The following LRRC7 variants were observed in gnomAD, a reference collection of about 807,000 sequenced individuals.
The protein encoded by LRRC7 is leucine-rich repeat-containing protein 7.
In LRRC7, 23 loss-of-function variants were observed where a neutral mutation model predicts 175.7. The observed-to-expected ratio is 0.13, with a 90% CI of 0.09 to 0.19. The LOEUF is 0.19. LRRC7 is among the 10% of genes least tolerant of loss of function. The pLI, the probability that LRRC7 is intolerant of heterozygous loss-of-function variation, is 1.00. For synonymous variants in LRRC7, 685 were observed against 680.9 expected, an observed-to-expected ratio of 1.01 and a Z score of -0.09; for missense variants, 1,354 against 1,904.7, an observed-to-expected ratio of 0.71 and a Z score of 5.38.
chr1:69,967,132 C>A (rs1241010104), intron 8 of LRRC7, among the ~76,000 whole-genome samples: 1 of 152,112 alleles, frequency 6.6e-6, no homozygotes, highest in Non-Finnish European at 1.5e-5. Context: ...GTGAGACCAG[C>A]CGTTTGAATT....
chr1:69,988,505 C>T (rs1198305595), intron 10 of LRRC7, among the ~76,000 whole-genome samples: 4 of 152,154 alleles, frequency 2.6e-5, no homozygotes, highest in Admixed American at 6.6e-5. Flanking sequence ...GCAATATCTC[C>T]AGGCCTGATG....
At chr1:69,720,022 A>G (rs1237997058) in intron 2 of LRRC7, among the ~76,000 whole-genome samples, 1 of 151,492 alleles carries the variant, frequency 6.6e-6, no homozygotes. Flanking sequence ...ATCTCTTGTA[A>G]GCATCTTATA....
intron 7 of LRRC7, among the ~76,000 whole-genome samples, chr1:69,911,562 A>T (rs971048498): frequency 6.6e-5 from 10 of 152,188 alleles, no homozygotes; most frequent in African/African-American, 1.9e-4. Context: ...CTCTTAAATC[A>T]TGGAGGGAAA....
At chr1:70,036,337 A>G in intron 19 of LRRC7, 105 bp downstream of exon 19, 2 of 1,396,450 alleles carry the variant, frequency 1.4e-6, no homozygotes, top group Non-Finnish European at 2.0e-6. Context: ...ATGTTTTACA[A>G]ATATGCATTT....
intron 24 of LRRC7, among the ~76,000 whole-genome samples, chr1:70,084,795 C>A (rs1571280179): frequency 6.6e-6 from 1 of 152,264 alleles, no homozygotes; most frequent in East Asian, 1.9e-4. Context: ...TCCACTTTTT[C>A]CACATCCTTA....
chr1:69,811,667 G>A (rs1328557958), intron 4 of LRRC7, among the ~76,000 whole-genome samples: 2 of 151,982 alleles, frequency 1.3e-5, no homozygotes, highest in African/African-American at 2.4e-5. Context: ...AACTAACACT[G>A]GAACAGAAAA....
intron 3 of LRRC7, among the ~76,000 whole-genome samples, chr1:69,768,717 G>C (rs183440989): frequency 1.3e-5 from 2 of 152,128 alleles, no homozygotes; most frequent in East Asian, 3.9e-4. Context: ...TAACTCTCTC[G>C]TAGCAGTTTT....
chr1:69,655,637 G>T (rs1656501295), intron 1 of LRRC7, among the ~76,000 whole-genome samples: 2 of 151,958 alleles, frequency 1.3e-5, no homozygotes, highest in Non-Finnish European at 2.9e-5. Flanking sequence ...TAACATTTAT[G>T]TACAAAATTG....
intron 24 of LRRC7, among the ~76,000 whole-genome samples, chr1:70,088,958 GTTGGGGAGGTAATATAACAGAACA>G (rs1489086813): frequency 1.3e-5 from 2 of 152,168 alleles, no homozygotes; most frequent in Non-Finnish European, 2.9e-5. Flanking sequence ...GATTTGGGAT[GTTGGGGAGGTAATATAACAGAACA>G]TTAGAATGTT....
intron 7 of LRRC7, among the ~76,000 whole-genome samples, chr1:69,916,354 A>G (rs1046194816): frequency 1.4e-5 from 2 of 145,304 alleles, no homozygotes; most frequent in African/African-American, 5.1e-5. Flanking sequence ...AGAGAAGTAA[A>G]AACTACCTAA....
At chr1:69,757,276 G>C (rs936263384) in intron 2 of LRRC7, among the ~76,000 whole-genome samples, 3 of 151,976 alleles carry the variant, frequency 2.0e-5, no homozygotes, top group African/African-American at 7.2e-5. Flanking sequence ...CTTCCAACCA[G>C]AAATTGGCTA....
chr1:69,970,634 T>C (rs1480714793), intron 8 of LRRC7, among the ~76,000 whole-genome samples: 1 of 152,098 alleles, frequency 6.6e-6, no homozygotes, highest in Non-Finnish European at 1.5e-5. Flanking sequence ...GAAATGTTAA[T>C]GAAAGAATTA....
chr1:70,003,169 A>G (rs894939770), intron 11 of LRRC7, among the ~76,000 whole-genome samples: 10 of 152,066 alleles, frequency 6.6e-5, no homozygotes, highest in Admixed American at 3.9e-4. Flanking sequence ...TGGTTGTCGG[A>G]GGGAAGAACA....
At chr1:69,639,451 C>G (rs569162343) in intron 1 of LRRC7, among the ~76,000 whole-genome samples, 1 of 151,906 alleles carries the variant, frequency 6.6e-6, no homozygotes, top group African/African-American at 2.4e-5. Context: ...AATTATACAC[C>G]AGTACTTCTC....
At chr1:69,978,948 A>C (rs1425719804) in intron 8 of LRRC7, among the ~76,000 whole-genome samples, 1 of 151,758 alleles carries the variant, frequency 6.6e-6, no homozygotes, top group African/African-American at 2.4e-5. Flanking sequence ...AAAAAAAAAA[A>C]AAACAGAAAA....
chr1:69,996,642 T>G (rs530060942), intron 11 of LRRC7, among the ~76,000 whole-genome samples: 101 of 152,276 alleles, frequency 6.6e-4, no homozygotes, highest in Middle Eastern at 3.4e-3. Context: ...CTAGCACCAT[T>G]TATTAAATAG....
chr1:69,744,211 G>A (rs1160808431), intron 2 of LRRC7, among the ~76,000 whole-genome samples: 1 of 151,722 alleles, frequency 6.6e-6, no homozygotes, highest in Non-Finnish European at 1.5e-5. Flanking sequence ...TTATTTCCAA[G>A]TGCCAATCTT....
At chr1:70,086,220 C>A (rs1305628315) in intron 24 of LRRC7, among the ~76,000 whole-genome samples, 1 of 152,026 alleles carries the variant, frequency 6.6e-6, no homozygotes, top group African/African-American at 2.4e-5. Flanking sequence ...AACTCCTGGT[C>A]TCAAGTGATC....
intron 11 of LRRC7, among the ~76,000 whole-genome samples, chr1:70,006,517 C>T (rs924707192): frequency 1.3e-5 from 2 of 151,662 alleles, no homozygotes; most frequent in African/African-American, 4.8e-5. Context: ...ATGTGTTTTT[C>T]CTACTGAATT....
Sources: gnomAD v4.1 joint callset for allele counts (sites outside exome capture counted in the v4.1 genomes callset) on GRCh38, gnomAD v4.1.1 for gene constraint, MANE v1.5 for transcripts, NCBI Gene and HGNC (gene_info 2026-07-23, HGNC 2026-07-21) for gene names.